The following PKHD1 variants were observed in gnomAD, a reference collection of about 807,000 sequenced individuals.
PKHD1 encodes PKHD1 ciliary IPT domain containing fibrocystin/polyductin.
Under a neutral mutation model 412.0 loss-of-function variants are expected in PKHD1, and 291 were observed. That is an observed-to-expected ratio of 0.71 (90% CI 0.64 to 0.78). The LOEUF (loss-of-function observed/expected upper bound fraction) is 0.78. PKHD1 is among the 30% of genes least tolerant of loss of function. The probability of loss-of-function intolerance (pLI) is 0.00; values close to 1 mark genes in which losing one functional copy is unlikely to be tolerated. For missense variants in PKHD1, 4,825 were observed against 4,950.7 expected (o/e 0.97, Z 0.76); for synonymous variants, 1,777 against 1,821.5 (o/e 0.98, Z 0.62).
At chr6:51,846,099 T>C (rs1364833661) in intron 50 of PKHD1, among the ~76,000 whole-genome samples, 3 of 152,250 alleles carry the variant, frequency 2.0e-5, no homozygotes, top group African/African-American at 2.4e-5. Flanking sequence ...CAAGTTTTTA[T>C]AGTTTTAGGT....
intron 60 of PKHD1, among the ~76,000 whole-genome samples, chr6:51,694,903 T>C (rs1467674688): frequency 6.6e-6 from 1 of 152,092 alleles, no homozygotes; most frequent in Non-Finnish European, 1.5e-5. Context: ...CTAACAGATT[T>C]CCCACTGACA....
intron 21 of PKHD1, among the ~76,000 whole-genome samples, chr6:52,052,249 G>A (rs994461573): frequency 6.6e-6 from 1 of 152,196 alleles, no homozygotes; most frequent in African/African-American, 2.4e-5. Context: ...AAAGTTGGAA[G>A]CCTGAAGACA....
intron 57 of PKHD1, among the ~76,000 whole-genome samples, chr6:51,749,818 G>T (rs1785792686): frequency 6.6e-6 from 1 of 152,164 alleles, no homozygotes; most frequent in African/African-American, 2.4e-5. Flanking sequence ...TCTGCATTAT[G>T]ATTCAGATAA....
At chr6:52,023,019 T>G in intron 32 of PKHD1, 75 bp from the exon 33 acceptor site, 1 of 1,551,076 alleles carries the variant, frequency 6.4e-7, no homozygotes, top group Non-Finnish European at 8.9e-7. Flanking sequence ...AATTCAAACA[T>G]TTGCTTCCTC....
At position 51,911,646 on chromosome 6, in the gene PKHD1, G is replaced by C. The variant is rs941386971; in HGVS notation, c.6490+153C>G. ...GAGAGGAGGATGAAATGACAATCAA[G>C]AGCATTCTGAAAACTACAGAAAAGT... On this transcript the variant is annotated intron_variant, in intron 39 of 66. Transcript: ENST00000371117. 2.0e-5 allele frequency among the ~76,000 whole-genome samples: 3 copies of C among 152,214 alleles called. No individual in the cohort carries two copies. In the Middle Eastern group the frequency reaches 0.01, roughly 518 times the overall value.
chr6:51,966,630 A>T (rs1165440532), intron 35 of PKHD1, among the ~76,000 whole-genome samples: 1 of 152,166 alleles, frequency 6.6e-6, no homozygotes, highest in Non-Finnish European at 1.5e-5. Flanking sequence ...ATTTTGTTAC[A>T]GACTCTTTTC....
intron 52 of PKHD1, among the ~76,000 whole-genome samples, chr6:51,800,427 T>C (rs908456998): frequency 6.6e-6 from 1 of 152,308 alleles, no homozygotes; most frequent in Admixed American, 6.5e-5. Flanking sequence ...TAGAAATGCA[T>C]TAACTAGCCT....
At chr6:52,018,585 C>T (rs1351976816) in intron 33 of PKHD1, among the ~76,000 whole-genome samples, 3 of 152,102 alleles carry the variant, frequency 2.0e-5, no homozygotes, top group Admixed American at 1.3e-4. Context: ...ACAATTTCAC[C>T]TCACTGCAAC....
chr6:51,632,452 G>A (rs993898900), intron 65 of PKHD1, 113 bp downstream of exon 65: 1 of 835,674 alleles, frequency 1.2e-6, no homozygotes, highest in Non-Finnish European at 1.9e-6. Context: ...TTATATTTTA[G>A]AGAAGCTCAC....
intron 15 of PKHD1, 79 bp from the exon 16 acceptor site, chr6:52,058,680 T>C: frequency 7.2e-7 from 1 of 1,394,362 alleles, no homozygotes; most frequent in South Asian, 1.2e-5. Context: ...GTGTCTGAAC[T>C]GCTACTATCA....
intron 35 of PKHD1, among the ~76,000 whole-genome samples, chr6:51,973,387 C>A (rs1793943723): frequency 6.6e-6 from 1 of 152,162 alleles, no homozygotes; most frequent in South Asian, 2.1e-4. Flanking sequence ...TCATTGTATG[C>A]AATTCACATA....
chr6:51,994,275 CA>C (rs1444139809), intron 35 of PKHD1, among the ~76,000 whole-genome samples: 1 of 152,102 alleles, frequency 6.6e-6, no homozygotes, highest in Admixed American at 6.5e-5. Context: ...GCTGGGACTA[CA>C]GGCGCCTGCC....
intron 60 of PKHD1, among the ~76,000 whole-genome samples, chr6:51,662,244 A>G (rs1772980401): frequency 6.6e-6 from 1 of 151,948 alleles, no homozygotes; most frequent in African/African-American, 2.4e-5. Context: ...AATTTTGAAA[A>G]AAGATACAAT....
At chr6:51,937,627 C>T (rs1051607615) in intron 36 of PKHD1, among the ~76,000 whole-genome samples, 5 of 152,158 alleles carry the variant, frequency 3.3e-5, no homozygotes, top group South Asian at 2.1e-4. Flanking sequence ...GTAATAGTCA[C>T]GGGATGTATA....
At chr6:51,934,356 G>C (rs778443438) in intron 36 of PKHD1, 34 bp from the exon 37 acceptor site, 3 of 1,411,600 alleles carry the variant, frequency 2.1e-6, no homozygotes, top group Non-Finnish European at 2.0e-6. Context: ...CAGTCCCTGG[G>C]AGGATAAGGC....
At chr6:51,863,094 A>T (rs1284250953) in intron 48 of PKHD1, among the ~76,000 whole-genome samples, 1 of 152,148 alleles carries the variant, frequency 6.6e-6, no homozygotes, top group Non-Finnish European at 1.5e-5. Flanking sequence ...ATACCATTAT[A>T]CCCATTTTAG....
chr6:51,634,670 TC>T (rs1768312367), intron 64 of PKHD1, among the ~76,000 whole-genome samples: 2 of 152,192 alleles, frequency 1.3e-5, no homozygotes, highest in Admixed American at 1.3e-4. Flanking sequence ...ATGTTTATTT[TC>T]CATTGATATG....
At position 52,053,169 on chromosome 6, in the gene PKHD1, CT is replaced by C. The variant is rs1307316392; in HGVS notation, c.2046del (p.Val683CysfsTer30). The C allele has an allele frequency of 6.2e-7, 1 of 1,614,200 alleles. No individual in the cohort carries two copies. Reference sequence around the variant, plus strand: ...AGAAGGTTGATCTGATGAACCAGCACTGGGGAGTTTGCCGGAGGGGGCTGGA... The same window carrying C: ...AGAAGGTTGATCTGATGAACCAGCACGGGGAGTTTGCCGGAGGGGGCTGGA... ...GDLQPPPANS[P>X]VLVHQINLLP... On this transcript the variant is annotated frameshift_variant, in exon 21 of 67. Transcript: ENST00000371117. LOFTEE classifies it high-confidence loss of function.
intron 48 of PKHD1, among the ~76,000 whole-genome samples, chr6:51,861,892 T>C (rs1012049297): frequency 6.6e-6 from 1 of 152,218 alleles, no homozygotes; most frequent in African/African-American, 2.4e-5. Context: ...ATTATCCTAC[T>C]TTAGGTGACC....
Sources: gnomAD v4.1 joint callset for allele counts (sites outside exome capture counted in the v4.1 genomes callset) on GRCh38, gnomAD v4.1.1 for gene constraint, MANE v1.5 for transcripts, NCBI Gene and HGNC (gene_info 2026-07-23, HGNC 2026-07-21) for gene names.